CACNG2: variants seen among roughly 807,000 people sequenced by gnomAD.
The protein encoded by CACNG2 is voltage-dependent calcium channel gamma-2 subunit.
Under a neutral mutation model 25.9 loss-of-function variants are expected in CACNG2, and 3 were observed. That is an observed-to-expected ratio of 0.12 (90% confidence interval 0.05 to 0.30). CACNG2 has a LOEUF of 0.30. Among genes scored for constraint, CACNG2 ranks in the 10% least tolerant of loss-of-function variants. The probability of loss-of-function intolerance (pLI) is 1.00; values close to 1 mark genes in which losing one functional copy is unlikely to be tolerated. For synonymous variants in CACNG2, 167 were observed against 173.3 expected, an observed-to-expected ratio of 0.96 and a Z score of 0.29; for missense variants, 341 against 432.5, an observed-to-expected ratio of 0.79 and a Z score of 1.88.
chr22:36,576,501 C>G (rs185884921), intron 2 of CACNG2, among the ~76,000 whole-genome samples: 86 of 151,446 alleles, frequency 5.7e-4, no homozygotes, highest in African/African-American at 2.0e-3. Flanking sequence ...TAACCAAACA[C>G]CACCTGTTCC....
At chr22:36,646,195 T>C (rs1936521418) in intron 1 of CACNG2, among the ~76,000 whole-genome samples, 1 of 152,232 alleles carries the variant, frequency 6.6e-6, no homozygotes. Flanking sequence ...TTTTTCCCAT[T>C]TTATGGAGAA....
At chr22:36,689,833 G>T (rs1226429116) in intron 1 of CACNG2, among the ~76,000 whole-genome samples, 1 of 152,252 alleles carries the variant, frequency 6.6e-6, no homozygotes. Context: ...CTGGGGTCAA[G>T]GTCAGAAAAT....
chr22:36,602,397 A>AT (rs1935767180), intron 1 of CACNG2, among the ~76,000 whole-genome samples: 1 of 151,556 alleles, frequency 6.6e-6, no homozygotes, highest in African/African-American at 2.4e-5. Flanking sequence ...ATATATATAT[A>AT]TTTTTTGAGA....
intron 1 of CACNG2, among the ~76,000 whole-genome samples, chr22:36,591,079 C>A (rs552064993): frequency 7.9e-5 from 12 of 152,040 alleles, no homozygotes; most frequent in Admixed American, 2.0e-4. Context: ...CTCTGTCACC[C>A]AGGCTGGAGT....
chr22:36,668,934 G>C (rs902964461), intron 1 of CACNG2, among the ~76,000 whole-genome samples: 3 of 152,126 alleles, frequency 2.0e-5, no homozygotes, highest in Admixed American at 6.5e-5. Flanking sequence ...TGTTCTATCT[G>C]GGCCATCAGT....
At chr22:36,638,734 G>A (rs930333873) in intron 1 of CACNG2, among the ~76,000 whole-genome samples, 18 of 151,868 alleles carry the variant, frequency 1.2e-4, no homozygotes, top group Admixed American at 3.9e-4. Flanking sequence ...TATTTTATGC[G>A]CTCTTGAAGG....
chr22:36,616,031 A>AT (rs900373712), intron 1 of CACNG2, among the ~76,000 whole-genome samples: 60 of 117,996 alleles, frequency 5.1e-4, no homozygotes, highest in African/African-American at 1.5e-3. Context: ...GAAAAGTAAA[A>AT]TCATTTGCCC....
intron 1 of CACNG2, among the ~76,000 whole-genome samples, chr22:36,660,853 A>G (rs756286461): frequency 3.9e-5 from 6 of 152,222 alleles, no homozygotes; most frequent in Admixed American, 3.9e-4. Context: ...TGGCTTCTTT[A>G]CTAGCTATGT....
chr22:36,656,761 A>C (rs1030646580), intron 1 of CACNG2, among the ~76,000 whole-genome samples: 8 of 152,200 alleles, frequency 5.3e-5, no homozygotes, highest in African/African-American at 1.7e-4. Context: ...ACTTTGCCCC[A>C]GACATGAGCA....
intron 1 of CACNG2, among the ~76,000 whole-genome samples, chr22:36,594,857 TGTGC>T (rs1322771271): frequency 6.7e-6 from 1 of 149,922 alleles, no homozygotes; most frequent in African/African-American, 2.5e-5. Context: ...TGTGTGTGTG[TGTGC>T]ATGGGTGTTT....
In CACNG2 at chr22:36,703,358, G is replaced by T. The variant is rs538389792; in HGVS notation, c.-782C>A. On this transcript the variant is annotated 5_prime_UTR_variant, in exon 1 of 4. Coordinates refer to ENST00000300105, the MANE Select transcript of CACNG2 (RefSeq NM_006078.5). The stretch of plus-strand genomic sequence containing the variant: ...GCGGGGGTAGTGTTGGCGAAGTGGG[G>T]GAGAGAGGGGGTTTCTCCTGGAGAA... The T allele has an allele frequency of 6.5e-6, 1 of 153,080 alleles. No individual in the cohort carries two copies. Among genetic ancestry groups the T allele is most frequent in the Admixed American group, 6.6e-5 (1 of 15,210 alleles). 9.5% of individuals were successfully genotyped at this position (153,080 alleles called of 1,614,324 possible).
At chr22:36,624,845 T>A (rs984037496) in intron 1 of CACNG2, among the ~76,000 whole-genome samples, 1 of 151,700 alleles carries the variant, frequency 6.6e-6, no homozygotes, top group African/African-American at 2.4e-5. Context: ...CTGGCCAACA[T>A]GGTGAAACCC....
intron 2 of CACNG2, among the ~76,000 whole-genome samples, chr22:36,583,199 G>C (rs1935448223): frequency 6.6e-6 from 1 of 152,082 alleles, no homozygotes; most frequent in African/African-American, 2.4e-5. Flanking sequence ...TTGGGAGGCT[G>C]AGGTGGGCAG....
chr22:36,663,164 C>T (rs1288200849), intron 1 of CACNG2, among the ~76,000 whole-genome samples: 3 of 152,126 alleles, frequency 2.0e-5, no homozygotes, highest in Admixed American at 6.5e-5. Flanking sequence ...TTGCCCAAGT[C>T]GGTCTACGGG....
intron 1 of CACNG2, among the ~76,000 whole-genome samples, chr22:36,639,226 T>C (rs1936405167): frequency 6.6e-6 from 1 of 152,182 alleles, no homozygotes; most frequent in Non-Finnish European, 1.5e-5. Context: ...GCTGTTTTGA[T>C]ATGAAATTGA....
intron 1 of CACNG2, among the ~76,000 whole-genome samples, chr22:36,670,463 G>C (rs1936932705): frequency 6.6e-6 from 1 of 152,146 alleles, no homozygotes; most frequent in East Asian, 1.9e-4. Context: ...TCTCTGGGCT[G>C]TTATAAAAGT....
intron 2 of CACNG2, among the ~76,000 whole-genome samples, chr22:36,572,191 C>T (rs1050361173): frequency 3.9e-5 from 6 of 152,156 alleles, no homozygotes; most frequent in Admixed American, 1.3e-4. Flanking sequence ...TCCCCTGTAC[C>T]AGGCCTTGTT....
chr22:36,695,808 G>A (rs1194908630), intron 1 of CACNG2, among the ~76,000 whole-genome samples: 1 of 152,074 alleles, frequency 6.6e-6, no homozygotes, highest in Non-Finnish European at 1.5e-5. Context: ...GTGAATCGGG[G>A]TTCAACAAGG....
At chr22:36,683,797 A>G (rs1937159346) in intron 1 of CACNG2, among the ~76,000 whole-genome samples, 1 of 152,050 alleles carries the variant, frequency 6.6e-6, no homozygotes, top group Non-Finnish European at 1.5e-5. Flanking sequence ...CAAAGGGAAA[A>G]TCCTTCAGTA....
Sources: allele counts gnomAD v4.1 joint callset (sites outside exome capture counted in the v4.1 genomes callset), GRCh38; gene constraint gnomAD v4.1.1; transcripts MANE v1.5; gene names NCBI Gene and HGNC (gene_info 2026-07-23, HGNC 2026-07-21).